WIF1: variants seen among roughly 807,000 people sequenced by gnomAD.
The protein encoded by WIF1 is Wnt inhibitory factor 1.
Under a neutral mutation model 53.5 loss-of-function variants are expected in WIF1, and 35 were observed. The observed-to-expected ratio is 0.65, with a 90% CI of 0.50 to 0.87. WIF1 has a LOEUF of 0.87. Ranked by LOEUF, WIF1 falls within the 40% of genes least tolerant of loss-of-function variation. The pLI, the probability that WIF1 is intolerant of heterozygous loss-of-function variation, is 0.00. For missense variants in WIF1, 467 were observed against 476.8 expected (o/e 0.98, Z 0.19); for synonymous variants, 171 against 170.4 (o/e 1.00, Z -0.03).
intron 9 of WIF1, among the ~76,000 whole-genome samples, chr12:65,053,611 G>A (rs555571045): frequency 6.6e-6 from 1 of 152,240 alleles, no homozygotes; most frequent in African/African-American, 2.4e-5. Context: ...ATATGGAAGG[G>A]TGAGTCAAAC....
intron 2 of WIF1, among the ~76,000 whole-genome samples, chr12:65,086,509 G>T (rs1242506461): frequency 6.6e-6 from 1 of 152,116 alleles, no homozygotes; most frequent in Non-Finnish European, 1.5e-5. Flanking sequence ...TAAACAGGAG[G>T]TGTGGAAAAA....
At chr12:65,094,035 C>T (rs747170435) in intron 2 of WIF1, among the ~76,000 whole-genome samples, 1 of 152,152 alleles carries the variant, frequency 6.6e-6, no homozygotes, top group Admixed American at 6.5e-5. Context: ...GTTACAGTCT[C>T]GGCATTAGCT....
intron 3 of WIF1, among the ~76,000 whole-genome samples, chr12:65,076,959 G>GA (rs1484763535): frequency 6.6e-6 from 1 of 151,138 alleles, no homozygotes; most frequent in Non-Finnish European, 1.5e-5. Context: ...AAAATTCAGA[G>GA]AAAAAAGATG....
intron 2 of WIF1, among the ~76,000 whole-genome samples, chr12:65,100,286 G>C (rs1883263374): frequency 6.6e-6 from 1 of 152,082 alleles, no homozygotes; most frequent in Admixed American, 6.6e-5. Context: ...AAACTTGAGG[G>C]ATCTTAACAG....
intron 2 of WIF1, among the ~76,000 whole-genome samples, chr12:65,100,552 T>C (rs1883267635): frequency 6.6e-6 from 1 of 152,198 alleles, no homozygotes; most frequent in Non-Finnish European, 1.5e-5. Flanking sequence ...CAATAATGTA[T>C]GTGCCAAGAG....
At chr12:65,088,845 G>A in intron 2 of WIF1, among the ~76,000 whole-genome samples, 1 of 151,948 alleles carries the variant, frequency 6.6e-6, no homozygotes, top group East Asian at 1.9e-4. Flanking sequence ...AGAATGCATA[G>A]CTTCGATGTT....
chr12:65,118,959 T>C (rs1024722607), intron 2 of WIF1, among the ~76,000 whole-genome samples: 6 of 152,078 alleles, frequency 3.9e-5, no homozygotes, highest in Non-Finnish European at 7.4e-5. Context: ...CCCTTTCAGA[T>C]GGAAGGGTGC....
intron 2 of WIF1, among the ~76,000 whole-genome samples, chr12:65,111,863 GGCCTACAACACATA>G (rs1439274785): frequency 4.6e-5 from 7 of 152,144 alleles, no homozygotes; most frequent in Admixed American, 1.3e-4. Flanking sequence ...CTTTGTCCCA[GGCCTACAACACATA>G]GCTACCCTGT....
intron 2 of WIF1, among the ~76,000 whole-genome samples, chr12:65,085,342 T>C (rs1416987308): frequency 5.3e-5 from 8 of 152,202 alleles, no homozygotes; most frequent in Admixed American, 6.6e-5. Context: ...CATATATACC[T>C]TATAGGCTGA....
chr12:65,110,704 CT>C (rs1259886425), intron 2 of WIF1, among the ~76,000 whole-genome samples: 1 of 152,108 alleles, frequency 6.6e-6, no homozygotes, highest in African/African-American at 2.4e-5. Flanking sequence ...TAATTTTCAG[CT>C]GCCTACTATG....
chr12:65,063,138 C>A (rs1246018819), intron 6 of WIF1, among the ~76,000 whole-genome samples: 2 of 151,932 alleles, frequency 1.3e-5, no homozygotes, highest in Non-Finnish European at 2.9e-5. Context: ...GACTGTGGGC[C>A]CAGGTGAGAT....
At chr12:65,063,139 C>T (rs949621250) in intron 6 of WIF1, among the ~76,000 whole-genome samples, 6 of 152,218 alleles carry the variant, frequency 3.9e-5, no homozygotes, top group Non-Finnish European at 7.4e-5. Flanking sequence ...ACTGTGGGCC[C>T]AGGTGAGATC....
chr12:65,067,942 A>G (rs1209018922), intron 4 of WIF1, 152 bp from the exon 5 acceptor site: 3 of 655,426 alleles, frequency 4.6e-6, no homozygotes, highest in Non-Finnish European at 7.6e-6. Flanking sequence ...CATTCCCTCG[A>G]TATCACTTGG....
chr12:65,065,153 A>G (rs1882669092), intron 6 of WIF1, among the ~76,000 whole-genome samples: 1 of 152,180 alleles, frequency 6.6e-6, no homozygotes, highest in African/African-American at 2.4e-5. Context: ...GACCACTTTA[A>G]AAAAGGCAGA....
intron 2 of WIF1, among the ~76,000 whole-genome samples, chr12:65,094,701 T>C (rs1883175080): frequency 6.6e-6 from 1 of 152,076 alleles, no homozygotes; most frequent in Non-Finnish European, 1.5e-5. Context: ...AAACATGAGA[T>C]CTTTAAAGAC....
intron 2 of WIF1, among the ~76,000 whole-genome samples, chr12:65,112,775 C>A (rs1372298670): frequency 3.3e-5 from 5 of 152,120 alleles, no homozygotes; most frequent in Admixed American, 3.3e-4. Context: ...CCCTCTAAGA[C>A]CTCCAAGCAT....
intron 2 of WIF1, among the ~76,000 whole-genome samples, chr12:65,114,192 C>T (rs1475696009): frequency 4.7e-5 from 7 of 149,200 alleles, no homozygotes; most frequent in African/African-American, 1.7e-4. Flanking sequence ...TTTTGGTTTA[C>T]GTCAAGGGGA....
intron 2 of WIF1, among the ~76,000 whole-genome samples, chr12:65,115,603 T>C (rs1436673705): frequency 6.6e-6 from 1 of 152,248 alleles, no homozygotes; most frequent in Non-Finnish European, 1.5e-5. Flanking sequence ...ATATCATCTA[T>C]TGAAAAGTTT....
chr12:65,092,353 G>A (rs1008886935), intron 2 of WIF1, among the ~76,000 whole-genome samples: 2 of 151,648 alleles, frequency 1.3e-5, no homozygotes, highest in African/African-American at 4.8e-5. Flanking sequence ...GATGGGTGCA[G>A]CAAACCACCA....
Sources: gnomAD v4.1 joint callset for allele counts (sites outside exome capture counted in the v4.1 genomes callset) on GRCh38, gnomAD v4.1.1 for gene constraint, MANE v1.5 for transcripts, NCBI Gene and HGNC (gene_info 2026-07-23, HGNC 2026-07-21) for gene names.